Variants in NPAS3 observed in about 807,000 individuals in gnomAD.
NPAS3 encodes the protein neuronal PAS domain protein 3, also known as neuronal PAS domain-containing protein 3.
Under a neutral mutation model 73.1 loss-of-function variants are expected in NPAS3, and 14 were observed. That is an observed-to-expected ratio of 0.19 (90% CI 0.13 to 0.30). NPAS3 has a LOEUF of 0.30. Among genes scored for constraint, NPAS3 ranks in the 10% least tolerant of loss-of-function variants. The pLI, the probability that NPAS3 is intolerant of heterozygous loss-of-function variation, is 1.00. For synonymous variants in NPAS3, 620 were observed against 541.5 expected (o/e 1.14, Z -2.01); for missense variants, 1,096 against 1,250.0 (o/e 0.88, Z 1.86).
chr14:33,482,622 C>T (rs2051383231), intron 4 of NPAS3, among the ~76,000 whole-genome samples: 1 of 152,088 alleles, frequency 6.6e-6, no homozygotes, highest in Non-Finnish European at 1.5e-5. Flanking sequence ...CCTCACCTAA[C>T]ACCCACCTCA....
At chr14:33,055,799 G>GTGGTGGC in intron 1 of NPAS3, 106 bp from the exon 2 acceptor site, 1 of 662,246 alleles carries the variant, frequency 1.5e-6, no homozygotes, top group Admixed American at 2.3e-5. Flanking sequence ...GAGCTCAAAA[G>GTGGTGGC]CGTAAAAAGC....
chr14:33,088,348 G>A (rs181047086), intron 2 of NPAS3, among the ~76,000 whole-genome samples: 39 of 152,324 alleles, frequency 2.6e-4, no homozygotes, highest in African/African-American at 6.0e-4. Flanking sequence ...ATAATACTGC[G>A]CTTTTCCAAT....
intron 2 of NPAS3, among the ~76,000 whole-genome samples, chr14:33,146,612 A>G (rs2139210083): frequency 6.6e-6 from 1 of 152,346 alleles, no homozygotes; most frequent in Middle Eastern, 3.4e-3. Context: ...GAGGAAAACA[A>G]CAACAGTAAT....
chr14:33,771,112 T>C (rs899327938), intron 7 of NPAS3, among the ~76,000 whole-genome samples: 1 of 152,122 alleles, frequency 6.6e-6, no homozygotes. Flanking sequence ...TAAAGGCAAC[T>C]ATAAAATGAA....
intron 3 of NPAS3, among the ~76,000 whole-genome samples, chr14:33,272,809 C>T (rs1376311510): frequency 2.0e-5 from 3 of 152,128 alleles, no homozygotes; most frequent in African/African-American, 7.2e-5. Context: ...TCCTCCAAAG[C>T]AGTTACTTTG....
rs550227069 is a variant in NPAS3, at chr14:33,575,982, C to T, written c.558+15772C>T. On this transcript the variant is annotated intron_variant, in intron 5 of 11. Coordinates refer to ENST00000356141, the Ensembl canonical transcript of NPAS3. The stretch of plus-strand genomic sequence containing the variant: ...TATATTCCTTGTAGCACCCTCCCAC[C>T]CCCCTTGTAGGCACCTCAACCCTTA... 6.6e-5 allele frequency among the ~76,000 whole-genome samples: 10 copies of T among 152,170 alleles called. No individual in the cohort carries two copies. The South Asian group carries it at 2.1e-3, about 32-fold the overall frequency.
At chr14:33,795,459 A>T (rs1212112114) in intron 10 of NPAS3, among the ~76,000 whole-genome samples, 4 of 152,214 alleles carry the variant, frequency 2.6e-5, no homozygotes, top group Admixed American at 1.3e-4. Flanking sequence ...GCAGGTGGTT[A>T]TAAAAACTCA....
intron 4 of NPAS3, among the ~76,000 whole-genome samples, chr14:33,374,960 G>A (rs1439950844): frequency 6.6e-6 from 1 of 152,090 alleles, no homozygotes; most frequent in Non-Finnish European, 1.5e-5. Flanking sequence ...ATATCTTCAA[G>A]TCTATTTTCT....
At chr14:33,414,666 A>C (rs2048073939) in intron 4 of NPAS3, among the ~76,000 whole-genome samples, 2 of 152,114 alleles carry the variant, frequency 1.3e-5, no homozygotes, top group African/African-American at 2.4e-5. Context: ...TTGATTTCTG[A>C]CAAGTGTTAC....
intron 3 of NPAS3, among the ~76,000 whole-genome samples, chr14:33,321,683 G>A (rs371810428): frequency 2.6e-4 from 39 of 151,966 alleles, no homozygotes; most frequent in South Asian, 8.3e-4. Context: ...TCATCCCAGC[G>A]TTTTTGTGTG....
intron 5 of NPAS3, among the ~76,000 whole-genome samples, chr14:33,662,131 AAACTTTGAAAG>A (rs2059325808): frequency 6.6e-6 from 1 of 152,230 alleles, no homozygotes; most frequent in African/African-American, 2.4e-5. Flanking sequence ...ACCTAAAGCA[AAACTTTGAAAG>A]AGTCTTTCAG....
chr14:33,004,817 C>CTTT lies in NPAS3; in HGVS notation c.51-51071_51-51069dup. Among the ~76,000 whole-genome samples the CTTT allele has an allele frequency of 8.6e-4, 55 of 64,004 alleles. 1 individual carries two copies. The East Asian group carries it at 0.012, about 14-fold the overall frequency. 42.0% of individuals were successfully genotyped at this position (64,004 alleles called of 152,430 possible). ...CTTTTTTCTATTGTAAAAAGTTTTCCTTTTTTTTTTTTTTTTTTTAGTTTT... is the reference window on the plus strand; with the variant it reads ...CTTTTTTCTATTGTAAAAAGTTTTCCTTTTTTTTTTTTTTTTTTTTTTAGTTTT... On this transcript the variant is annotated intron_variant, in intron 1 of 11. Coordinates refer to ENST00000356141, the Ensembl canonical transcript of NPAS3.
At chr14:33,677,883 G>A (rs1054283832) in intron 6 of NPAS3, among the ~76,000 whole-genome samples, 6 of 152,186 alleles carry the variant, frequency 3.9e-5, no homozygotes, top group African/African-American at 7.2e-5. Flanking sequence ...CTATGTCAGC[G>A]AGATAACTGG....
intron 3 of NPAS3, among the ~76,000 whole-genome samples, chr14:33,223,348 G>T (rs1397306678): frequency 1.3e-5 from 2 of 152,108 alleles, no homozygotes; most frequent in Non-Finnish European, 2.9e-5. Context: ...AGAAAACCAT[G>T]AGTATTCTGG....
intron 4 of NPAS3, among the ~76,000 whole-genome samples, chr14:33,383,075 A>G (rs1333451013): frequency 6.6e-6 from 1 of 150,648 alleles, no homozygotes; most frequent in Admixed American, 6.6e-5. Flanking sequence ...TGACAGAGCA[A>G]AAGACCCTGT....
At chr14:33,328,446 CTTTTTTTTTTTTTTTTTTTTTTTTTTTT>C (rs58411120) in intron 3 of NPAS3, among the ~76,000 whole-genome samples, 1 of 49,584 alleles carries the variant, frequency 2.0e-5, no homozygotes, top group Non-Finnish European at 3.7e-5. Flanking sequence ...CTTTTCTTTT[CTTTTTTTTTTTTTTTTTTTTTTTTTTTT>C]TTTTTTTTTT....
At chr14:33,236,973 CA>C (rs1272307302) in intron 3 of NPAS3, among the ~76,000 whole-genome samples, 1 of 151,950 alleles carries the variant, frequency 6.6e-6, no homozygotes, top group Non-Finnish European at 1.5e-5. Flanking sequence ...TTTGATTTTA[CA>C]TTACAAAAAT....
intron 3 of NPAS3, among the ~76,000 whole-genome samples, chr14:33,272,579 G>A (rs539718747): frequency 6.6e-6 from 1 of 152,126 alleles, no homozygotes; most frequent in African/African-American, 2.4e-5. Flanking sequence ...ACCATGCCCA[G>A]CTAGCTTCTG....
intron 3 of NPAS3, among the ~76,000 whole-genome samples, chr14:33,259,493 T>A (rs2048895223): frequency 6.6e-6 from 1 of 152,226 alleles, no homozygotes; most frequent in Non-Finnish European, 1.5e-5. Context: ...GATAGCTATT[T>A]CTTATACAGA....
Sources: gnomAD v4.1 joint callset for allele counts (sites outside exome capture counted in the v4.1 genomes callset) on GRCh38, gnomAD v4.1.1 for gene constraint, MANE v1.5 for transcripts, NCBI Gene and HGNC (gene_info 2026-07-23, HGNC 2026-07-21) for gene names.